GLDC: variants seen among roughly 807,000 people sequenced by gnomAD.
GLDC encodes glycine dehydrogenase (decarboxylating), mitochondrial.
Under a neutral mutation model 121.3 loss-of-function variants are expected in GLDC, and 104 were observed. The observed-to-expected ratio is 0.86, with a 90% confidence interval of 0.73 to 1.01. GLDC has a LOEUF of 1.01. Among genes scored for constraint, GLDC ranks in the 50% least tolerant of loss-of-function variants. The pLI is 0.00. For missense variants in GLDC, 1,429 were observed against 1,306.6 expected (o/e 1.09, Z -1.44); for synonymous variants, 546 against 480.6 (o/e 1.14, Z -1.78).
chr9:6,560,148 A>G (rs1318200834), intron 16 of GLDC, among the ~76,000 whole-genome samples: 3 of 152,242 alleles, frequency 2.0e-5, no homozygotes, highest in Non-Finnish European at 4.4e-5. Context: ...CCAGTGGGAA[A>G]GTAAGTCAGA....
At chr9:6,577,744 A>T (rs557323139) in intron 15 of GLDC, among the ~76,000 whole-genome samples, 11 of 151,882 alleles carry the variant, frequency 7.2e-5, no homozygotes, top group Admixed American at 3.3e-4. Context: ...CTGTTGTACT[A>T]AATTTTATTT....
At position 6,627,103 on chromosome 9, in the gene GLDC, G is replaced by A. The variant is rs1819259228; in HGVS notation, c.335-6784C>T. 2.0e-5 allele frequency among the ~76,000 whole-genome samples: 3 copies of A among 152,146 alleles called. No homozygotes were observed. In the South Asian group the frequency reaches 6.2e-4, roughly 32 times the overall value. On this transcript the variant is annotated intron_variant, in intron 2 of 24. Coordinates refer to ENST00000321612, the MANE Select transcript of GLDC (RefSeq NM_000170.3). ...AAGATCAGGAGATCGAGACCATCCTGGCTAACACGGTGAAACCCCATCTCT... is the reference window on the plus strand; with the variant it reads ...AAGATCAGGAGATCGAGACCATCCTAGCTAACACGGTGAAACCCCATCTCT...
intron 15 of GLDC, 84 bp downstream of exon 15, chr9:6,587,057 G>C (rs55875652): frequency 0.025 from 27,735 of 1,113,464 alleles, 476 homozygotes; most frequent in Middle Eastern, 0.068. Context: ...ACACAAAAAA[G>C]TTGTTGTTCT....
intron 9 of GLDC, among the ~76,000 whole-genome samples, chr9:6,594,803 A>AAAAGAAAGAAAG (rs78626191): frequency 0.033 from 4,996 of 149,966 alleles, 100 homozygotes; most frequent in Middle Eastern, 0.048. Context: ...AAAAGGAAAT[A>AAAAGAAAGAAAG]AAAGAAAGAA....
chr9:6,533,807 G>A (rs887601627), intron 24 of GLDC, among the ~76,000 whole-genome samples: 3 of 150,432 alleles, frequency 2.0e-5, no homozygotes. Context: ...GTGGTGAGCC[G>A]AGATGGTGCC....
At chr9:6,617,131 G>A (rs1373594919) in intron 3 of GLDC, among the ~76,000 whole-genome samples, 1 of 152,000 alleles carries the variant, frequency 6.6e-6, no homozygotes, top group African/African-American at 2.4e-5. Context: ...CCATCTCTAT[G>A]GAAACCATTC....
intron 15 of GLDC, among the ~76,000 whole-genome samples, chr9:6,570,637 T>A (rs1433612744): frequency 6.6e-6 from 1 of 152,150 alleles, no homozygotes; most frequent in African/African-American, 2.4e-5. Flanking sequence ...GCAGATCACC[T>A]GAGGTCAGGA....
intron 2 of GLDC, among the ~76,000 whole-genome samples, chr9:6,636,348 G>C (rs921236932): frequency 1.3e-5 from 2 of 151,968 alleles, no homozygotes; most frequent in Non-Finnish European, 2.9e-5. Context: ...CATTAATGTA[G>C]GTTCAATTGT....
At chr9:6,612,509 A>G (rs1362061853) in intron 3 of GLDC, among the ~76,000 whole-genome samples, 1 of 152,038 alleles carries the variant, frequency 6.6e-6, no homozygotes, top group Non-Finnish European at 1.5e-5. Context: ...TGAGGTGGGC[A>G]ATCACTCGAG....
intron 2 of GLDC, among the ~76,000 whole-genome samples, chr9:6,637,119 G>T (rs1168654929): frequency 6.6e-6 from 1 of 151,554 alleles, no homozygotes; most frequent in East Asian, 1.9e-4. Flanking sequence ...GGGCACAATG[G>T]CTCACGCCTG....
At chr9:6,553,313 T>C (rs774761384) in intron 20 of GLDC, 55 bp downstream of exon 20, 9 of 1,532,106 alleles carry the variant, frequency 5.9e-6, no homozygotes, top group Admixed American at 1.7e-5. Context: ...CCGGTCCCCA[T>C]GCATGCCTGA....
chr9:6,596,129 G>T (rs1204698495), intron 8 of GLDC, among the ~76,000 whole-genome samples: 2 of 152,190 alleles, frequency 1.3e-5, no homozygotes, highest in Non-Finnish European at 2.9e-5. Flanking sequence ...CGAGGCTGAG[G>T]TAAAGAATCT....
intron 3 of GLDC, among the ~76,000 whole-genome samples, chr9:6,615,574 C>T (rs1818952559): frequency 6.9e-6 from 1 of 144,626 alleles, no homozygotes; most frequent in Non-Finnish European, 1.5e-5. Flanking sequence ...AGACGGAGAC[C>T]TTGTCTTAAA....
intron 15 of GLDC, among the ~76,000 whole-genome samples, chr9:6,578,064 G>T (rs565051501): frequency 2.0e-5 from 3 of 151,640 alleles, no homozygotes; most frequent in Non-Finnish European, 4.4e-5. Context: ...ACAGAAACAC[G>T]CCACTGTGCC....
At chr9:6,620,698 T>G (rs1819074520) in intron 2 of GLDC, among the ~76,000 whole-genome samples, 1 of 152,196 alleles carries the variant, frequency 6.6e-6, no homozygotes, top group African/African-American at 2.4e-5. Context: ...GTGTTTTACC[T>G]TCTAAACTGC....
At chr9:6,549,361 G>T (rs1450012099) in intron 21 of GLDC, among the ~76,000 whole-genome samples, 1 of 141,542 alleles carries the variant, frequency 7.1e-6, no homozygotes, top group Non-Finnish European at 1.6e-5. Context: ...GTGGGGTCGG[G>T]GGTGGGCAAG....
chr9:6,558,413 G>A (rs1817679641), intron 17 of GLDC, 146 bp downstream of exon 17: 1 of 889,914 alleles, frequency 1.1e-6, no homozygotes, highest in South Asian at 1.3e-5. Flanking sequence ...GTGATGGGAG[G>A]GGTAGAGTAG....
intron 16 of GLDC, among the ~76,000 whole-genome samples, chr9:6,561,366 T>C (rs1369221547): frequency 1.3e-5 from 2 of 152,126 alleles, no homozygotes; most frequent in East Asian, 3.8e-4. Flanking sequence ...ATTGTAGTGT[T>C]GGCCGGGCGA....
chr9:6,564,341 A>G (rs888522822), intron 16 of GLDC, among the ~76,000 whole-genome samples: 20 of 152,234 alleles, frequency 1.3e-4, no homozygotes, highest in African/African-American at 4.8e-4. Flanking sequence ...GGAAGGAGGG[A>G]AAAAAATGTT....
Sources: allele counts gnomAD v4.1 joint callset (sites outside exome capture counted in the v4.1 genomes callset), GRCh38; gene constraint gnomAD v4.1.1; transcripts MANE v1.5; gene names NCBI Gene and HGNC (gene_info 2026-07-23, HGNC 2026-07-21).